C2CD5: variants seen among roughly 807,000 people sequenced by gnomAD.
The protein encoded by C2CD5 is C2 calcium dependent domain containing 5, also known as C2 domain-containing protein 5.
C2CD5 carries 109 observed loss-of-function variants against 130.3 expected under a neutral mutation model. The observed-to-expected ratio is 0.84, with a 90% confidence interval of 0.72 to 0.98. The LOEUF (loss-of-function observed/expected upper bound fraction) is 0.98, where lower values mean the gene tolerates loss of function less well. Ranked by LOEUF, C2CD5 falls within the 50% of genes least tolerant of loss-of-function variation. The probability of loss-of-function intolerance (pLI) is 0.00; values close to 1 mark genes in which losing one functional copy is unlikely to be tolerated. For synonymous variants in C2CD5, 454 were observed against 429.2 expected (o/e 1.06, Z -0.71); for missense variants, 996 against 1,261.8 (o/e 0.79, Z 3.19).
chr12:22,506,982 T>C (rs2136735527), intron 9 of C2CD5, 163 bp from the exon 10 acceptor site: 1 of 544,310 alleles, frequency 1.8e-6, no homozygotes, highest in Non-Finnish European at 3.3e-6. Context: ...ATTAAATGTT[T>C]AGAGTTTCAA....
At chr12:22,544,262 AGGAGCGCGCG>A in intron 1 of C2CD5, 48 bp downstream of exon 1, 1 of 1,045,854 alleles carries the variant, frequency 9.6e-7, no homozygotes, top group Admixed American at 3.4e-5. Context: ...CTGACAGCGA[AGGAGCGCGCG>A]GGGGCGCGCG....
At chr12:22,482,463 G>A in intron 14 of C2CD5, 94 bp downstream of exon 14, 1 of 1,046,596 alleles carries the variant, frequency 9.6e-7, no homozygotes, top group South Asian at 1.6e-5. Context: ...AAAGTCTTTA[G>A]ATAAGCCTTT....
chr12:22,469,432 G>A (rs1942656612), intron 22 of C2CD5, among the ~76,000 whole-genome samples: 1 of 151,956 alleles, frequency 6.6e-6, no homozygotes, highest in South Asian at 2.1e-4. Flanking sequence ...AGTTACAGTG[G>A]GAAATCCAAA....
At chr12:22,464,048 T>G (rs1386704663) in intron 22 of C2CD5, 1 of 152,148 alleles carries the variant, frequency 6.6e-6, no homozygotes, top group Non-Finnish European at 1.5e-5. Flanking sequence ...AAATGATATA[T>G]CTAAACATTC....
intron 8 of C2CD5, 135 bp downstream of exon 8, chr12:22,517,850 GA>G: frequency 1.7e-6 from 1 of 596,552 alleles, no homozygotes; most frequent in East Asian, 3.0e-5. Flanking sequence ...TGCAGTAACT[GA>G]AAATGGTCAG....
intron 25 of C2CD5, among the ~76,000 whole-genome samples, chr12:22,456,099 G>A (rs888772246): frequency 2.0e-5 from 3 of 152,142 alleles, no homozygotes; most frequent in Non-Finnish European, 2.9e-5. Context: ...TGTGCTAGGC[G>A]CAGGATGGTG....
At chr12:22,507,989 C>A (rs543410432) in intron 9 of C2CD5, among the ~76,000 whole-genome samples, 1 of 152,054 alleles carries the variant, frequency 6.6e-6, no homozygotes, top group Non-Finnish European at 1.5e-5. Flanking sequence ...AGATTAAATG[C>A]AACAAATAAA....
Position 22,523,641 on chromosome 12 carries a change from ATC to A in C2CD5, c.602-19_602-18del. 1 of 1,599,128 alleles carries A rather than the reference ATC, an allele frequency of 6.3e-7. No homozygotes were observed. Among genetic ancestry groups the A allele is most frequent in the East Asian group, 2.2e-5 (1 of 44,812 alleles). ...GCAGCTCACCTACAAAACATGGGAA[ATC>A]TCATTCTTGCTTTGTAGCTTTACAT... On this transcript the variant is annotated intron_variant, in intron 6 of 26. Transcript: ENST00000446597.
At chr12:22,479,731 A>G (rs934391619) in intron 14 of C2CD5, among the ~76,000 whole-genome samples, 1 of 152,178 alleles carries the variant, frequency 6.6e-6, no homozygotes, top group African/African-American at 2.4e-5. Context: ...ACTCTGAAAC[A>G]GTACTATATT....
intron 19 of C2CD5, 38 bp downstream of exon 19, chr12:22,471,929 T>C (rs758175158): frequency 5.6e-6 from 6 of 1,067,494 alleles, no homozygotes; most frequent in East Asian, 4.7e-5. Context: ...TTCATTATTA[T>C]AGACGCATGA....
In C2CD5 at chr12:22,484,853, C is replaced by G; in HGVS notation, c.1394G>C (p.Cys465Ser). The G allele has an allele frequency of 6.3e-7, 1 of 1,576,204 alleles. No individual in the cohort carries two copies. The highest frequency in any genetic ancestry group is 8.6e-7 in the Non-Finnish European group (1 of 1,162,136). ...ATTCAGTTCATCATATGGTATATGACAAAATCCACAACGTGTAGGCAAATT... is the reference window on the plus strand; with the variant it reads ...ATTCAGTTCATCATATGGTATATGAGAAAATCCACAACGTGTAGGCAAATT... Reference protein sequence around the residue: ...EENLPTRCGFCHIPYDELNMP... With the variant: ...EENLPTRCGFSHIPYDELNMP... Residue 465 changes from cysteine to serine, a missense_variant, in exon 13 of 27, where the codon TGT becomes TCT. Around this residue, in one of 9 missense-constraint regions of C2CD5, gnomAD observed 590 missense variants for 631.4 expected, o/e 0.93. Coordinates refer to ENST00000446597, the MANE Select transcript of C2CD5 (RefSeq NM_001286176.2).
At chr12:22,501,947 G>A (rs1947855013) in intron 10 of C2CD5, among the ~76,000 whole-genome samples, 1 of 151,664 alleles carries the variant, frequency 6.6e-6, no homozygotes. Context: ...ATTTCTTTAG[G>A]CAACATACCA....
At chr12:22,461,510 A>C (rs1296688409) in intron 22 of C2CD5, among the ~76,000 whole-genome samples, 1 of 152,170 alleles carries the variant, frequency 6.6e-6, no homozygotes, top group Non-Finnish European at 1.5e-5. Context: ...TCCCATCTCT[A>C]ACATCAAGTG....
Position 22,543,427 on chromosome 12 carries a change from C to T in C2CD5, c.90+634G>A, listed in dbSNP as rs989025065. Among the ~76,000 whole-genome samples the T allele has an allele frequency of 3.3e-5, 5 of 152,248 alleles. No homozygotes were observed. The South Asian group carries it at 6.2e-4, about 19-fold the overall frequency. Reference sequence around the variant, plus strand: ...ACCTCATCAGACCTACCAGCCTATACAAGAGCAGGAAGTGTTGCAGTTGTG... The same window carrying T: ...ACCTCATCAGACCTACCAGCCTATATAAGAGCAGGAAGTGTTGCAGTTGTG... On this transcript the variant is annotated intron_variant, in intron 2 of 26. Coordinates refer to ENST00000446597, the MANE Select transcript of C2CD5 (RefSeq NM_001286176.2).
intron 4 of C2CD5, 115 bp downstream of exon 4, chr12:22,527,606 C>CGT (rs1950844132): frequency 8.3e-6 from 5 of 601,316 alleles, no homozygotes; most frequent in Non-Finnish European, 1.3e-5. Flanking sequence ...GCATGAGCCA[C>CGT]CGCACCTAGC....
chr12:22,511,768 A>T (rs1949222834), intron 9 of C2CD5, among the ~76,000 whole-genome samples: 1 of 152,242 alleles, frequency 6.6e-6, no homozygotes, highest in Non-Finnish European at 1.5e-5. Context: ...ATAAAGTCAC[A>T]GGCACAACAT....
chr12:22,529,038 A>G (rs1950976650), intron 3 of C2CD5, among the ~76,000 whole-genome samples: 1 of 152,202 alleles, frequency 6.6e-6, no homozygotes, highest in African/African-American at 2.4e-5. Context: ...ATGAAATCAT[A>G]TAACATCTCA....
intron 10 of C2CD5, among the ~76,000 whole-genome samples, chr12:22,498,511 C>T (rs1036088342): frequency 6.6e-6 from 1 of 152,148 alleles, no homozygotes; most frequent in Non-Finnish European, 1.5e-5. Flanking sequence ...AGTAATTATA[C>T]TTATTTTTAT....
intron 3 of C2CD5, among the ~76,000 whole-genome samples, chr12:22,534,102 C>T (rs577770552): frequency 6.6e-6 from 1 of 152,300 alleles, no homozygotes; most frequent in East Asian, 1.9e-4. Flanking sequence ...GCAGGAGAAT[C>T]GCTTGAACCC....
Sources: gnomAD v4.1 joint callset for allele counts (sites outside exome capture counted in the v4.1 genomes callset) on GRCh38, gnomAD v4.1.1 for gene constraint, gnomAD v4.1.1 regional missense constraint, MANE v1.5 for transcripts, NCBI Gene and HGNC (gene_info 2026-07-23, HGNC 2026-07-21) for gene names.